GLYR1: variants seen among roughly 807,000 people sequenced by gnomAD.
The protein encoded by GLYR1 is glyoxylate reductase 1 homolog.
GLYR1 carries 21 observed loss-of-function variants against 72.7 expected under a neutral mutation model. That is an observed-to-expected ratio of 0.29 (90% CI 0.20 to 0.42). The LOEUF is 0.42. GLYR1 is among the 10% of genes least tolerant of loss of function. The probability of loss-of-function intolerance (pLI) is 1.00; values close to 1 mark genes in which losing one functional copy is unlikely to be tolerated. For missense variants in GLYR1, 594 were observed against 712.1 expected (o/e 0.83, Z 1.89); for synonymous variants, 392 against 270.2 (o/e 1.45, Z -4.42).
At chr16:4,847,144 G>T in intron 1 of GLYR1, 84 bp downstream of exon 1, 3 of 1,304,744 alleles carry the variant, frequency 2.3e-6, no homozygotes, top group East Asian at 2.5e-5. Context: ...GCATAAAAAG[G>T]CAGCTCCAGG....
chr16:4,819,646 G>A (rs2083888210), intron 9 of GLYR1, among the ~76,000 whole-genome samples: 1 of 152,144 alleles, frequency 6.6e-6, no homozygotes, highest in Admixed American at 6.6e-5. Flanking sequence ...ACTGCTGGAT[G>A]TCCCCGGCAG....
intron 12 of GLYR1, among the ~76,000 whole-genome samples, chr16:4,813,446 C>G (rs1004291554): frequency 1.3e-5 from 2 of 152,190 alleles, no homozygotes; most frequent in Non-Finnish European, 2.9e-5. Flanking sequence ...CAAATGCAGA[C>G]AGCTGCTCAA....
chr16:4,815,432 A>C (rs2083575200), intron 10 of GLYR1, among the ~76,000 whole-genome samples: 1 of 152,170 alleles, frequency 6.6e-6, no homozygotes, highest in African/African-American at 2.4e-5. Context: ...GACTATGGAA[A>C]ACTTCACTGA....
Position 4,813,760 on chromosome 16 carries a change from C to G in GLYR1, c.1096G>C (p.Asp366His). Residue 366 changes from aspartate (D) to histidine (H), a missense_variant, in exon 12 of 16, where the codon GAC (aspartate) becomes CAC (histidine). Around this residue, in one of 5 missense-constraint regions of GLYR1, gnomAD observed 266 missense variants for 358.4 expected, o/e 0.74. Transcript: ENST00000321919. Reference sequence around the variant, plus strand: ...ACCTGGGCCAGCTCAGTGACGGTGTCAGCGTCCACTGTTGACATGTCCACG... The same window carrying G: ...ACCTGGGCCAGCTCAGTGACGGTGTGAGCGTCCACTGTTGACATGTCCACG... ...CYVDMSTVDA[D>H]TVTELAQVIV... 2 of 1,609,802 alleles carry G rather than the reference C, an allele frequency of 1.2e-6. No individual in the cohort carries two copies. The highest frequency in any genetic ancestry group is 1.7e-6 in the Non-Finnish European group (2 of 1,178,170).
At chr16:4,830,999 G>C (rs1412294715) in intron 5 of GLYR1, among the ~76,000 whole-genome samples, 8 of 152,102 alleles carry the variant, frequency 5.3e-5, no homozygotes, top group African/African-American at 1.9e-4. Flanking sequence ...AGGCTGTCTA[G>C]GCCTTGCCTC....
intron 4 of GLYR1, 72 bp from the exon 5 acceptor site, chr16:4,832,293 T>C: frequency 1.3e-6 from 2 of 1,566,128 alleles, no homozygotes; most frequent in Admixed American, 3.4e-5. Context: ...CATTTACAGG[T>C]GCCATGTGCT....
At chr16:4,847,197 C>G (rs562364773) in intron 1 of GLYR1, 31 bp downstream of exon 1, 2 of 1,586,964 alleles carry the variant, frequency 1.3e-6, no homozygotes, top group African/African-American at 2.7e-5. Flanking sequence ...CTCCCCGGCG[C>G]GTCTCGGTTG....
chr16:4,821,602 TGAA>T lies in GLYR1; in HGVS notation c.682-8_682-6del, dbSNP rs759019133. ...TGCCTGGTAACAGACAGCTGGCTAA[TGAA>T]GGAGGAGGAAAGAGACTACTTGTGC... On this transcript the variant is annotated splice_polypyrimidine_tract_variant and splice_region_variant and intron_variant, in intron 7 of 15. Transcript: ENST00000321919. 2.5e-6 allele frequency: 4 copies of T among 1,613,784 alleles called. No individual in the cohort carries two copies. Among genetic ancestry groups the T allele is most frequent in the Non-Finnish European group, 3.4e-6 (4 of 1,179,902 alleles).
At chr16:4,806,129 A>G (rs771125576) in intron 15 of GLYR1, among the ~76,000 whole-genome samples, 15 of 152,188 alleles carry the variant, frequency 9.9e-5, no homozygotes, top group Non-Finnish European at 2.1e-4. Context: ...ACATCTGGTA[A>G]TATCTGGAGA....
At position 4,804,933 on chromosome 16, in the gene GLYR1, C is replaced by CTGTGTGTGTGTGTGTGTGTG. The variant is rs143624351; in HGVS notation, c.*283_*302dup. 310 of 297,510 alleles carry CTGTGTGTGTGTGTGTGTGTG rather than the reference C, an allele frequency of 1.0e-3. 1 individual carries two copies. Among genetic ancestry groups the CTGTGTGTGTGTGTGTGTGTG allele is most frequent in the Admixed American group, 2.2e-3 (52 of 23,214 alleles). 18.4% of individuals were successfully genotyped at this position (297,510 alleles called of 1,614,324 possible). The stretch of plus-strand genomic sequence containing the variant: ...GCAGCTTCTATCCTGGGGCGAGAGC[C>CTGTGTGTGTGTGTGTGTGTG]TGTGTGTGTGTGTGTGTGTGTGTGT... On this transcript the variant is annotated 3_prime_UTR_variant, in exon 16 of 16. Transcript: ENST00000321919.
At chr16:4,823,506 A>C (rs1268109229) in intron 6 of GLYR1, among the ~76,000 whole-genome samples, 1 of 152,148 alleles carries the variant, frequency 6.6e-6, no homozygotes, top group Non-Finnish European at 1.5e-5. Flanking sequence ...ATATTAGGGG[A>C]AAAAAACTTG....
chr16:4,823,375 C>T (rs1466229862), intron 6 of GLYR1, among the ~76,000 whole-genome samples: 1 of 152,176 alleles, frequency 6.6e-6, no homozygotes, highest in East Asian at 1.9e-4. Flanking sequence ...ACAGAGTAGC[C>T]ACGACAGTGG....
intron 12 of GLYR1, among the ~76,000 whole-genome samples, chr16:4,812,633 C>T (rs1424794295): frequency 1.3e-5 from 2 of 151,502 alleles, no homozygotes; most frequent in Non-Finnish European, 2.9e-5. Flanking sequence ...ACTGGGACTA[C>T]AGGCGTCCAC....
intron 10 of GLYR1, among the ~76,000 whole-genome samples, chr16:4,816,460 C>G (rs2083648536): frequency 6.6e-6 from 1 of 152,088 alleles, no homozygotes; most frequent in African/African-American, 2.4e-5. Flanking sequence ...TTAATTAGCA[C>G]CCTACTAATT....
chr16:4,838,445 A>C (rs551204903), intron 3 of GLYR1, among the ~76,000 whole-genome samples: 2 of 152,264 alleles, frequency 1.3e-5, no homozygotes, highest in South Asian at 2.1e-4. Context: ...ACTGCTATGG[A>C]AACTCGCAGG....
chr16:4,831,985 A>G lies in GLYR1; in HGVS notation c.531T>C (p.Asp177=). 6.2e-7 allele frequency: 1 copy of G among 1,613,058 alleles called. No homozygotes were observed. The highest frequency in any genetic ancestry group is 8.5e-7 in the Non-Finnish European group (1 of 1,179,620). The change falls in exon 5 of 16, where the codon GAT becomes GAC. Residue 177 remains aspartate, a synonymous_variant. Transcript: ENST00000321919. ...SPRKRGRPPK[D]EKDLTIPESS... ...CTGCAGAGAGAAAACAAACCTTCTC[A>G]TCCTTTGGGGGCCGACCCCGCTTCC...
chr16:4,844,969 A>G, intron 3 of GLYR1, 105 bp downstream of exon 3: 3 of 773,500 alleles, frequency 3.9e-6, no homozygotes, highest in South Asian at 1.6e-5. Context: ...ATTACACATT[A>G]TAAGAAGACT....
chr16:4,822,903 T>G lies in GLYR1; in HGVS notation c.653A>C (p.His218Pro), dbSNP rs769080100. ...CTCTGTTTGGCTTAGCAGGAAATGA[T>G]GGAAATGAGGATCTGCATCTTTAAC... ...EPVKDADPHF[H>P]HFLLSQTEKP... The change falls in exon 7 of 16, where the codon CAT (histidine) becomes CCT (proline). Residue 218 changes from histidine to proline, a missense_variant. By Grantham distance (77) the His-to-Pro change is moderately conservative. Transcript: ENST00000321919. The G allele has an allele frequency of 3.7e-6, 6 of 1,614,058 alleles. No homozygotes were observed. Among genetic ancestry groups the G allele is most frequent in the Non-Finnish European group, 5.1e-6 (6 of 1,180,018 alleles).
At chr16:4,827,118 T>C (rs1419778406) in intron 5 of GLYR1, among the ~76,000 whole-genome samples, 1 of 152,244 alleles carries the variant, frequency 6.6e-6, no homozygotes, top group Non-Finnish European at 1.5e-5. Flanking sequence ...TTTCCCTGCC[T>C]GCCTCCGCCA....
Sources: gnomAD v4.1 joint callset for allele counts (sites outside exome capture counted in the v4.1 genomes callset) on GRCh38, gnomAD v4.1.1 for gene constraint, gnomAD v4.1.1 regional missense constraint, MANE v1.5 for transcripts, NCBI Gene and HGNC (gene_info 2026-07-23, HGNC 2026-07-21) for gene names.